Variants in SLC15A5 observed in about 807,000 individuals in gnomAD.
SLC15A5 encodes the protein Peptide/histidine transporter ENSP00000340402.
Under a neutral mutation model 56.1 loss-of-function variants are expected in SLC15A5, and 58 were observed. That is an observed-to-expected ratio of 1.03 (90% CI 0.84 to 1.29). The LOEUF is 1.29. Among genes scored for constraint, SLC15A5 ranks in the 50% most tolerant of loss-of-function variants. The probability of loss-of-function intolerance (pLI) is 0.00; values close to 1 mark genes in which losing one functional copy is unlikely to be tolerated. For missense variants in SLC15A5, 681 were observed against 672.1 expected, an observed-to-expected ratio of 1.01 and a Z score of -0.15; for synonymous variants, 264 against 250.5, an observed-to-expected ratio of 1.05 and a Z score of -0.51.
Position 16,230,652 on chromosome 12 carries a change from G to A in SLC15A5, c.1163-6050C>T, listed in dbSNP as rs576406638. On this transcript the variant is annotated intron_variant, in intron 5 of 8. Transcript: ENST00000344941. ...GACAAGGCCGGGCGCGGTGGCTCAC[G>A]CCTGTAATCCCAGCATTTTGGGAGG... 1.2e-4 allele frequency among the ~76,000 whole-genome samples: 18 copies of A among 151,186 alleles called. No individual in the cohort carries two copies. In the East Asian group the frequency reaches 1.7e-3, roughly 15 times the overall value.
intron 3 of SLC15A5, among the ~76,000 whole-genome samples, chr12:16,254,202 T>G (rs1913253): frequency 6.6e-6 from 1 of 151,676 alleles, no homozygotes; most frequent in African/African-American, 2.4e-5. Context: ...GTGAGTAGTC[T>G]TAAAAGGACA....
chr12:16,196,054 A>G lies in SLC15A5; in HGVS notation c.1484-1601T>C, dbSNP rs563430480. Among the ~76,000 whole-genome samples, 104 of 152,232 alleles carry G rather than the reference A, an allele frequency of 6.8e-4. No homozygotes were observed. The highest frequency in any genetic ancestry group is 2.5e-3 in the African/African-American group (104 of 41,566). Reference sequence around the variant, plus strand: ...TTGTAAAGGTAATCCTGATTATGCTATTAATTTGCAGTAGCTGTGTGTGTC... The same window carrying G: ...TTGTAAAGGTAATCCTGATTATGCTGTTAATTTGCAGTAGCTGTGTGTGTC... On this transcript the variant is annotated intron_variant, in intron 7 of 8. Transcript: ENST00000344941. This position sits in a 1 kb window ranked among gnomAD's most constrained non-coding sequence, Gnocchi z 4.0.
intron 6 of SLC15A5, among the ~76,000 whole-genome samples, chr12:16,221,283 A>G (rs1199441089): frequency 6.6e-6 from 1 of 152,240 alleles, no homozygotes; most frequent in Non-Finnish European, 1.5e-5. Flanking sequence ...CAATACAAAT[A>G]TAAATAAAGT....
rs891184727 is a variant in SLC15A5, at chr12:16,189,044, T to G, written c.*624A>C. ...TTTTAATTCCAATAATTCCATAACT[T>G]ACATTTATTTTTCAACTTTTTTAGT... On this transcript the variant is annotated 3_prime_UTR_variant, in exon 9 of 9. Transcript: ENST00000344941. 1 of 152,162 alleles carries G rather than the reference T, an allele frequency of 6.6e-6. No individual in the cohort carries two copies. Among genetic ancestry groups the G allele is most frequent in the Non-Finnish European group, 1.5e-5 (1 of 68,028 alleles). The allele number at this position is 152,162 out of a possible 1,614,324, so 9.4% of individuals were successfully genotyped here.
At chr12:16,241,289 C>T (rs1020599197) in intron 4 of SLC15A5, among the ~76,000 whole-genome samples, 10 of 152,140 alleles carry the variant, frequency 6.6e-5, no homozygotes, top group African/African-American at 2.2e-4. Flanking sequence ...AGAGCAGCCT[C>T]GCTCAAATAT....
chr12:16,210,572 T>C (rs768773930), intron 7 of SLC15A5, among the ~76,000 whole-genome samples: 1 of 152,210 alleles, frequency 6.6e-6, no homozygotes, highest in Non-Finnish European at 1.5e-5. Flanking sequence ...TATCTATTTC[T>C]TCTAGTCCTC....
intron 7 of SLC15A5, among the ~76,000 whole-genome samples, chr12:16,213,125 A>G (rs1388868247): frequency 6.6e-6 from 1 of 152,176 alleles, no homozygotes; most frequent in Admixed American, 6.5e-5. Flanking sequence ...CCATATTTTA[A>G]GAAAGATACT....
intron 4 of SLC15A5, among the ~76,000 whole-genome samples, chr12:16,240,552 G>A (rs1864403596): frequency 6.6e-6 from 1 of 152,032 alleles, no homozygotes; most frequent in Admixed American, 6.6e-5. Flanking sequence ...ATGATAAAGT[G>A]AAAGATACAA....
chr12:16,249,737 A>C (rs939099912), intron 3 of SLC15A5, among the ~76,000 whole-genome samples: 4 of 152,060 alleles, frequency 2.6e-5, no homozygotes, highest in Non-Finnish European at 5.9e-5. Flanking sequence ...AAATGAATGG[A>C]TGCTGAACAG....
At chr12:16,259,906 G>GGA (rs1565673333) in intron 2 of SLC15A5, among the ~76,000 whole-genome samples, 1 of 151,204 alleles carries the variant, frequency 6.6e-6, no homozygotes, top group Admixed American at 6.6e-5. Flanking sequence ...CCGGGCGGGG[G>GGA]GTAAGTTAGA....
intron 7 of SLC15A5, among the ~76,000 whole-genome samples, chr12:16,206,486 C>T (rs1213046769): frequency 6.6e-6 from 1 of 152,100 alleles, no homozygotes; most frequent in Non-Finnish European, 1.5e-5. Flanking sequence ...GAAATAATAC[C>T]TAACCACTGT....
rs1020948249 is a variant in SLC15A5, at chr12:16,259,900, GC to G, written c.585-2031del. On this transcript the variant is annotated intron_variant, in intron 2 of 8. Coordinates refer to ENST00000344941, the MANE Select transcript of SLC15A5 (RefSeq NM_001170798.1). ...GCTGTACCCAGCTGACACCACCCGG[GC>G]GGGGGGTAAGTTAGAGCACTTCCAG... 1.2e-3 allele frequency among the ~76,000 whole-genome samples: 175 copies of G among 151,076 alleles called. 10 individuals are homozygous for G. In the East Asian group the frequency reaches 0.028, roughly 25 times the overall value.
At chr12:16,241,308 T>A (rs1864413186) in intron 4 of SLC15A5, among the ~76,000 whole-genome samples, 1 of 152,192 alleles carries the variant, frequency 6.6e-6, no homozygotes, top group South Asian at 2.1e-4. Context: ...ATCCAGATGA[T>A]AACTTCTCAT....
At chr12:16,224,393 G>A (rs1333102789) in intron 6 of SLC15A5, 21 bp downstream of exon 6, 4 of 1,534,934 alleles carry the variant, frequency 2.6e-6, no homozygotes, top group Non-Finnish European at 3.5e-6. Context: ...TCTAACATTA[G>A]TTGAAAAGGT....
At chr12:16,221,033 T>C (rs373215713) in intron 6 of SLC15A5, among the ~76,000 whole-genome samples, 2 of 152,154 alleles carry the variant, frequency 1.3e-5, no homozygotes, top group African/African-American at 4.8e-5. Context: ...GTAGGCTATG[T>C]CTACTGTCAT....
chr12:16,207,344 T>A (rs1788724451), intron 7 of SLC15A5, among the ~76,000 whole-genome samples: 1 of 152,206 alleles, frequency 6.6e-6, no homozygotes, highest in Non-Finnish European at 1.5e-5. Context: ...CAGTCTGTTC[T>A]TCATTTGCAA....
intron 5 of SLC15A5, among the ~76,000 whole-genome samples, chr12:16,231,493 C>T (rs1864299276): frequency 1.3e-5 from 2 of 152,164 alleles, no homozygotes; most frequent in South Asian, 4.1e-4. Flanking sequence ...CCTAATCCTC[C>T]TAATCCCCTG....
At chr12:16,202,394 A>G (rs1678790620) in intron 7 of SLC15A5, among the ~76,000 whole-genome samples, 1 of 152,174 alleles carries the variant, frequency 6.6e-6, no homozygotes, top group Non-Finnish European at 1.5e-5. Context: ...TAAAACCACA[A>G]TGAGATATCA....
At chr12:16,254,518 C>T (rs1442077917) in intron 3 of SLC15A5, among the ~76,000 whole-genome samples, 3 of 152,134 alleles carry the variant, frequency 2.0e-5, no homozygotes, top group Non-Finnish European at 4.4e-5. Flanking sequence ...CTGCAAATGA[C>T]AGGATTTCAT....
Sources: allele counts gnomAD v4.1 joint callset (sites outside exome capture counted in the v4.1 genomes callset), GRCh38; gene constraint gnomAD v4.1.1; non-coding constraint Gnocchi (gnomAD v3.1); transcripts MANE v1.5; gene names NCBI Gene and HGNC (gene_info 2026-07-23, HGNC 2026-07-21).